The following USP36 variants were observed in gnomAD, a reference collection of about 807,000 sequenced individuals.
USP36 encodes the protein ubiquitin carboxyl-terminal hydrolase 36.
Under a neutral mutation model 111.5 loss-of-function variants are expected in USP36, and 59 were observed. The observed-to-expected ratio is 0.53, with a 90% CI of 0.43 to 0.66. The LOEUF is 0.66. USP36 is among the 30% of genes least tolerant of loss of function. USP36 has a pLI of 0.00. For missense variants in USP36, 1,488 were observed against 1,468.0 expected (o/e 1.01, Z -0.22); for synonymous variants, 628 against 581.0 (o/e 1.08, Z -1.16).
rs776872958 is a variant in USP36 at position 78,835,400 on chromosome 17, G to T, written c.355C>A (p.Arg119Ser). The T allele has an allele frequency of 6.2e-7, 1 of 1,614,128 alleles. No individual in the cohort carries two copies. Among genetic ancestry groups the T allele is most frequent in the African/African-American group, 1.3e-5 (1 of 74,942 alleles). The part of the protein sequence containing the change: ...RLSLRWERVF[R>S]VGAGLHNLGN... ...AGGTTGTGGAGTCCTGCGCCCACGC[G>T]GAAGACCCGCTCCCACCTCAGAGAC... The change falls in exon 4 of 21, where the codon CGC becomes AGC. Residue 119 changes from arginine (R) to serine (S), a missense_variant. Coordinates refer to ENST00000449938, the MANE Select transcript of USP36 (RefSeq NM_001385174.1).
Position 78,798,480 on chromosome 17 carries a change from T to A in USP36, c.3312A>T (p.Arg1104=). 6.2e-7 allele frequency: 1 copy of A among 1,614,186 alleles called. No individual in the cohort carries two copies. Among genetic ancestry groups the A allele is most frequent in the South Asian group, 1.1e-5 (1 of 91,088 alleles). ...GGTGAGTCACAGACCAGAAGTTCCG[T>A]CGAGTCTGAAGTTTCTGGAAGGCGT... is the stretch of plus-strand genomic sequence containing the variant. ...NFNAFQKLQT[R]RNFWSVTHPA... Residue 1104 remains arginine (R), a synonymous_variant, in exon 20 of 21, where the codon CGA becomes CGT. Transcript: ENST00000449938. The surrounding 1 kb of genome is among the most constrained non-coding windows in gnomAD (Gnocchi z 5.1).
At position 78,836,286 on chromosome 17, in the gene USP36, C is replaced by T. The variant is rs746835177; in HGVS notation, c.78G>A (p.Lys26=). 1 of 1,614,072 alleles carries T rather than the reference C, an allele frequency of 6.2e-7. No individual in the cohort carries two copies. The highest frequency in any genetic ancestry group is 8.5e-7 in the Non-Finnish European group (1 of 1,180,036). ...CCTTCTTGGCAGAGGAGGCAAGAAG[C>T]TTCCCCAGTTCTCCATCATCAGCCG... is the stretch of plus-strand genomic sequence containing the variant. ...KDSADDGELG[K]LLASSAKKVL... Residue 26 remains lysine, a synonymous_variant, in exon 3 of 21, where the codon AAG becomes AAA. Coordinates refer to ENST00000449938, the MANE Select transcript of USP36 (RefSeq NM_001385174.1).
intron 15 of USP36, among the ~76,000 whole-genome samples, chr17:78,804,806 T>G (rs1009356260): frequency 6.6e-6 from 1 of 151,684 alleles, no homozygotes; most frequent in African/African-American, 2.4e-5. Context: ...TTAATACAAA[T>G]GTGTTAAGGG....
chr17:78,839,509 T>A (rs1007913154), intron 1 of USP36, among the ~76,000 whole-genome samples: 1 of 152,188 alleles, frequency 6.6e-6, no homozygotes, highest in Non-Finnish European at 1.5e-5. Flanking sequence ...AGGACTCACA[T>A]CTACCCTGGA....
At chr17:78,841,166 C>T (rs1387915606), upstream of USP36, 2 of 152,308 alleles carry the variant, frequency 1.3e-5, no homozygotes, top group Non-Finnish European at 2.9e-5. Flanking sequence ...GGCGCGCGCC[C>T]CCGCCCCAGA....
downstream of USP36, among the ~76,000 whole-genome samples, chr17:78,791,537 AAC>A (rs1220167048): frequency 1.3e-5 from 2 of 152,216 alleles, no homozygotes; most frequent in Non-Finnish European, 2.9e-5. Flanking sequence ...AACTTGAAGC[AAC>A]AGTTTGGTAC....
intron 7 of USP36, 25 bp downstream of exon 7, chr17:78,821,912 C>T: frequency 6.2e-7 from 1 of 1,612,930 alleles, no homozygotes; most frequent in Non-Finnish European, 8.5e-7. Flanking sequence ...TGGCAAGAAG[C>T]AGTAGAACAA....
At chr17:78,801,759 A>C (rs1321199759) in intron 17 of USP36, among the ~76,000 whole-genome samples, 2 of 152,196 alleles carry the variant, frequency 1.3e-5, no homozygotes, top group South Asian at 4.1e-4. Flanking sequence ...CACAGAAAAA[A>C]ACTCAGGCTG....
At chr17:78,815,544 CATT>C (rs2094158156) in intron 10 of USP36, among the ~76,000 whole-genome samples, 1 of 152,138 alleles carries the variant, frequency 6.6e-6, no homozygotes, top group African/African-American at 2.4e-5. Context: ...TTTACAGGAA[CATT>C]GTTGGTGGGA....
In USP36 at chr17:78,827,263, C is replaced by T. The variant is rs1403546110; in HGVS notation, c.671G>A (p.Cys224Tyr). The T allele has an allele frequency of 2.5e-6, 4 of 1,613,776 alleles. No homozygotes were observed. The highest frequency in any genetic ancestry group is 3.4e-6 in the Non-Finnish European group (4 of 1,180,014). The change falls in exon 6 of 21, where the codon TGC (cysteine) becomes TAC (tyrosine). Residue 224 changes from cysteine to tyrosine, a missense_variant. Coordinates refer to ENST00000449938, the MANE Select transcript of USP36 (RefSeq NM_001385174.1). Reference protein sequence around the residue: ...RYTIDAMQKACLNGCAKLDRQ... With the variant: ...RYTIDAMQKAYLNGCAKLDRQ... Reference sequence around the variant, plus strand: ...CACGCACTTGGCACAGCCATTCAGGCAGGCTTTCTGCATGGCGTCGATGGT... The same window carrying T: ...CACGCACTTGGCACAGCCATTCAGGTAGGCTTTCTGCATGGCGTCGATGGT...
At chr17:78,813,033 T>G in intron 12 of USP36, 32 bp from the exon 13 acceptor site, 1 of 1,613,208 alleles carries the variant, frequency 6.2e-7, no homozygotes, top group Non-Finnish European at 8.5e-7. Flanking sequence ...TAGGGAATTC[T>G]CTTACTAGGC....
chr17:78,805,498 G>A (rs950315840), intron 15 of USP36, among the ~76,000 whole-genome samples: 6 of 152,056 alleles, frequency 3.9e-5, no homozygotes, highest in Non-Finnish European at 5.9e-5. Flanking sequence ...TACAGTCCCC[G>A]CAGGCCGCCT....
intron 10 of USP36, among the ~76,000 whole-genome samples, chr17:78,815,932 A>G (rs1478808544): frequency 2.7e-5 from 4 of 149,486 alleles, no homozygotes; most frequent in South Asian, 2.1e-4. Flanking sequence ...ACATACACAC[A>G]CATATACACA....
chr17:78,828,342 C>T (rs1003889950), intron 5 of USP36, among the ~76,000 whole-genome samples: 2 of 152,178 alleles, frequency 1.3e-5, no homozygotes, highest in African/African-American at 4.8e-5. Context: ...CTTCTTTCTG[C>T]CAAGTGAATG....
intron 5 of USP36, among the ~76,000 whole-genome samples, chr17:78,827,613 A>G (rs1234567118): frequency 2.6e-5 from 4 of 152,160 alleles, no homozygotes; most frequent in African/African-American, 4.8e-5. Context: ...TCAAAAATGT[A>G]AAATGCCGGC....
rs576677638 is a variant in USP36, at chr17:78,807,228, C to T, written c.1816G>A (p.Asp606Asn). ...CTGGAGCTGCTGGAGCCCCTCCTGT[C>T]GAGGCCAGCGCTCTCGTCGTTCCCC... ...LKGNDESAGLDRRGSSSSSPE... is the reference protein window; with the variant it reads ...LKGNDESAGLNRRGSSSSSPE... Residue 606 changes from aspartate to asparagine, a missense_variant, in exon 14 of 21, where the codon GAC (aspartate) becomes AAC (asparagine). Coordinates refer to ENST00000449938, the MANE Select transcript of USP36 (RefSeq NM_001385174.1). 292 of 1,614,030 alleles carry T rather than the reference C, an allele frequency of 1.8e-4. 3 individuals are homozygous for T. In the South Asian group the frequency reaches 3.0e-3, roughly 17 times the overall value.
At chr17:78,801,223 G>A (rs1204289224) in intron 17 of USP36, among the ~76,000 whole-genome samples, 4 of 152,022 alleles carry the variant, frequency 2.6e-5, no homozygotes, top group Non-Finnish European at 5.9e-5. Flanking sequence ...TGATCCGCCC[G>A]CCTCGGCCTC....
At chr17:78,815,814 T>C (rs963977125) in intron 10 of USP36, among the ~76,000 whole-genome samples, 2 of 150,070 alleles carry the variant, frequency 1.3e-5, no homozygotes, top group Non-Finnish European at 2.9e-5. Flanking sequence ...ATACATCGTA[T>C]ACACACATGC....
rs779537628 is a variant in USP36 at position 78,806,184 on chromosome 17, C to G, written c.2188G>C (p.Ala730Pro). Residue 730 changes from alanine to proline, a missense_variant, in exon 15 of 21, where the codon GCC becomes CCC. Transcript: ENST00000449938. Reference sequence around the variant, plus strand: ...GCTCTATGGACGGGCCAAGTGGAGGCAACGACGGGGTGAGAGGTTTTCATG... The same window carrying G: ...GCTCTATGGACGGGCCAAGTGGAGGGAACGACGGGGTGAGAGGTTTTCATG... ...HPMKTSHPVV[A>P]STWPVHRARA... 17 of 1,613,358 alleles carry G rather than the reference C, an allele frequency of 1.1e-5. No individual in the cohort carries two copies. In the Admixed American group the frequency reaches 2.8e-4, roughly 27 times the overall value.
Sources: allele counts gnomAD v4.1 joint callset (sites outside exome capture counted in the v4.1 genomes callset), GRCh38; gene constraint gnomAD v4.1.1; non-coding constraint Gnocchi (gnomAD v3.1); transcripts MANE v1.5; gene names NCBI Gene and HGNC (gene_info 2026-07-23, HGNC 2026-07-21).